Variants in HIBADH observed in about 807,000 individuals in gnomAD.
The protein encoded by HIBADH is 3-hydroxyisobutyrate dehydrogenase.
Under a neutral mutation model 36.1 loss-of-function variants are expected in HIBADH, and 25 were observed. The observed-to-expected ratio is 0.69, with a 90% confidence interval of 0.50 to 0.97. The LOEUF is 0.97. Among genes scored for constraint, HIBADH ranks in the 50% least tolerant of loss-of-function variants. The pLI is 0.00. For missense variants in HIBADH, 421 were observed against 418.0 expected (o/e 1.01, Z -0.06); for synonymous variants, 160 against 149.5 (o/e 1.07, Z -0.51).
At chr7:27,565,733 C>T (rs1369344653) in intron 4 of HIBADH, among the ~76,000 whole-genome samples, 1 of 152,108 alleles carries the variant, frequency 6.6e-6, no homozygotes, top group Non-Finnish European at 1.5e-5. Flanking sequence ...AGGGGGAAAG[C>T]ATTTAGTCTT....
At chr7:27,602,461 CAG>C (rs1785147474) in intron 4 of HIBADH, among the ~76,000 whole-genome samples, 1 of 152,096 alleles carries the variant, frequency 6.6e-6, no homozygotes. Flanking sequence ...AAAACTGAAA[CAG>C]AAAAACAACA....
intron 3 of HIBADH, among the ~76,000 whole-genome samples, chr7:27,631,536 T>C (rs994187723): frequency 2.6e-5 from 4 of 152,202 alleles, no homozygotes; most frequent in Admixed American, 2.0e-4. Flanking sequence ...AAGTTAGGAA[T>C]AGAAACAGTG....
chr7:27,529,980 A>G (rs1583554450), intron 7 of HIBADH, among the ~76,000 whole-genome samples: 1 of 152,346 alleles, frequency 6.6e-6, no homozygotes, highest in South Asian at 2.1e-4. Flanking sequence ...GAAGGCTCAG[A>G]TAATTGTTAG....
intron 4 of HIBADH, among the ~76,000 whole-genome samples, chr7:27,607,690 C>T (rs1439364974): frequency 1.3e-5 from 2 of 151,680 alleles, no homozygotes; most frequent in Non-Finnish European, 2.9e-5. Context: ...TTAACAATTA[C>T]AGTAAACTAA....
intron 4 of HIBADH, among the ~76,000 whole-genome samples, chr7:27,559,274 GATTT>G (rs1784433655): frequency 6.6e-6 from 1 of 152,034 alleles, no homozygotes; most frequent in African/African-American, 2.4e-5. Flanking sequence ...TTGGGTTAAG[GATTT>G]CAACATATGA....
intron 4 of HIBADH, among the ~76,000 whole-genome samples, chr7:27,544,963 G>A (rs1391279963): frequency 2.6e-5 from 4 of 152,182 alleles, no homozygotes; most frequent in Non-Finnish European, 4.4e-5. Context: ...GTGGTAGTTC[G>A]ACTCTTTCCT....
At chr7:27,552,672 G>A (rs996511350) in intron 4 of HIBADH, among the ~76,000 whole-genome samples, 1 of 152,162 alleles carries the variant, frequency 6.6e-6, no homozygotes, top group Non-Finnish European at 1.5e-5. Flanking sequence ...TCTAGAATAT[G>A]ACTTTTAAAT....
intron 4 of HIBADH, among the ~76,000 whole-genome samples, chr7:27,612,482 G>A (rs1393652472): frequency 6.6e-6 from 1 of 151,704 alleles, no homozygotes; most frequent in Non-Finnish European, 1.5e-5. Flanking sequence ...CTGCCACCAC[G>A]CCCAGATACT....
At position 27,539,058 on chromosome 7, in the gene HIBADH, G is replaced by C. The variant is rs1333540185; in HGVS notation, c.619-641C>G. ...TGAGAAATTTGATCGTTAAGACTGG[G>C]GCAAGGACATGTCAGCTATGAAAGC... On this transcript the variant is annotated intron_variant, in intron 5 of 7. Transcript: ENST00000265395. Among the ~76,000 whole-genome samples, 3 of 152,180 alleles carry C rather than the reference G, an allele frequency of 2.0e-5. No homozygotes were observed. The East Asian group carries it at 5.8e-4, about 29-fold the overall frequency.
rs185278210 is a variant in HIBADH at position 27,639,235 on chromosome 7, A to G, written c.253-6790T>C. ...TGAATAAAGAAAATGTGGTACATATACACCATGAAATACTATGCAGCCATA... is the reference window on the plus strand; with the variant it reads ...TGAATAAAGAAAATGTGGTACATATGCACCATGAAATACTATGCAGCCATA... On this transcript the variant is annotated intron_variant, in intron 2 of 7. Transcript: ENST00000265395. Among the ~76,000 whole-genome samples, 387 of 152,350 alleles carry G rather than the reference A, an allele frequency of 2.5e-3. 2 individuals are homozygous for G. The highest frequency in any genetic ancestry group is 4.9e-3 in the Non-Finnish European group (332 of 68,028).
At chr7:27,595,994 C>A (rs1240163724) in intron 4 of HIBADH, among the ~76,000 whole-genome samples, 2 of 152,148 alleles carry the variant, frequency 1.3e-5, no homozygotes, top group African/African-American at 4.8e-5. Context: ...TATCAGTTCC[C>A]CCAAACAGAT....
chr7:27,656,654 C>T (rs1786312399), intron 1 of HIBADH, among the ~76,000 whole-genome samples: 1 of 152,148 alleles, frequency 6.6e-6, no homozygotes. Context: ...GAGAGTTGGA[C>T]TACTGGGTCG....
chr7:27,557,164 AT>A (rs1352557816), intron 4 of HIBADH, among the ~76,000 whole-genome samples: 1 of 150,560 alleles, frequency 6.6e-6, no homozygotes, highest in Non-Finnish European at 1.5e-5. Context: ...AAAAATTGGC[AT>A]TTTTTATTTA....
intron 4 of HIBADH, among the ~76,000 whole-genome samples, chr7:27,544,674 A>T (rs1235697820): frequency 6.6e-6 from 1 of 152,228 alleles, no homozygotes; most frequent in African/African-American, 2.4e-5. Context: ...CACCTAGAGA[A>T]ATTAAGTAGA....
At chr7:27,534,167 AAAATTTAAAAAATT>A (rs1444140196) in intron 6 of HIBADH, among the ~76,000 whole-genome samples, 1 of 152,244 alleles carries the variant, frequency 6.6e-6, no homozygotes, top group Admixed American at 6.5e-5. Context: ...AAACTGCAAA[AAAATTTAAAAAATT>A]AAACATTTGC....
At chr7:27,660,009 AG>A (rs1365379427) in intron 1 of HIBADH, among the ~76,000 whole-genome samples, 1 of 152,200 alleles carries the variant, frequency 6.6e-6, no homozygotes, top group Non-Finnish European at 1.5e-5. Context: ...TGAGCTAAGT[AG>A]GTGCCATTGT....
intron 4 of HIBADH, among the ~76,000 whole-genome samples, chr7:27,574,098 T>TTGAC (rs1784668113): frequency 6.6e-6 from 1 of 152,174 alleles, no homozygotes; most frequent in African/African-American, 2.4e-5. Context: ...ATGAAAAAGT[T>TTGAC]TGACTCCAAA....
intron 4 of HIBADH, among the ~76,000 whole-genome samples, chr7:27,546,944 G>C (rs1784243171): frequency 6.6e-6 from 1 of 152,118 alleles, no homozygotes; most frequent in Non-Finnish European, 1.5e-5. Context: ...TGTCTCTGTA[G>C]TCTGTTCTCC....
intron 6 of HIBADH, among the ~76,000 whole-genome samples, chr7:27,535,372 A>G (rs1002144338): frequency 6.6e-6 from 1 of 152,110 alleles, no homozygotes; most frequent in Non-Finnish European, 1.5e-5. Context: ...AGAAACTATT[A>G]ATAAAACTAC....
Sources: gnomAD v4.1 joint callset for allele counts (sites outside exome capture counted in the v4.1 genomes callset) on GRCh38, gnomAD v4.1.1 for gene constraint, MANE v1.5 for transcripts, NCBI Gene and HGNC (gene_info 2026-07-23, HGNC 2026-07-21) for gene names.